ARAP3: variants seen among roughly 807,000 people sequenced by gnomAD.
The protein encoded by ARAP3 is arf-GAP with Rho-GAP domain, ANK repeat and PH domain-containing protein 3.
Under a neutral mutation model 169.2 loss-of-function variants are expected in ARAP3, and 82 were observed. The ratio of observed to expected loss-of-function variants is 0.48; its 90% CI spans 0.41 to 0.58. The LOEUF is 0.58. Among genes scored for constraint, ARAP3 ranks in the 20% least tolerant of loss-of-function variants. The probability of loss-of-function intolerance (pLI) is 0.00; values close to 1 mark genes in which losing one functional copy is unlikely to be tolerated. For synonymous variants in ARAP3, 791 were observed against 800.3 expected, an observed-to-expected ratio of 0.99 and a Z score of 0.20; for missense variants, 1,764 against 2,018.0, an observed-to-expected ratio of 0.87 and a Z score of 2.41.
rs1388943428 is a variant in ARAP3 at position 141,680,061 on chromosome 5, G to T, written c.426C>A (p.Ser142=). 2.5e-6 allele frequency: 4 copies of T among 1,614,038 alleles called. No homozygotes were observed. Among genetic ancestry groups the T allele is most frequent in the Non-Finnish European group, 3.4e-6 (4 of 1,180,056 alleles). ...TATTTAGGGCTGAAGACTGCTCAGAGGAGGAAGTGGGGAGAGGAGGAGGCC... is the reference window on the plus strand; with the variant it reads ...TATTTAGGGCTGAAGACTGCTCAGATGAGGAAGTGGGGAGAGGAGGAGGCC... ...SPRPPPLPTS[S]SEQSSALNTV... Residue 142 remains serine (S), a synonymous_variant, in exon 2 of 33, where the codon TCC becomes TCA. Coordinates refer to ENST00000239440, the MANE Select transcript of ARAP3 (RefSeq NM_022481.6).
chr5:141,665,016 A>T lies in ARAP3; in HGVS notation c.2706T>A (p.Ala902=), dbSNP rs2099910451. The change falls in exon 19 of 33, where the codon GCT becomes GCA. Residue 902 remains alanine (A), a synonymous_variant. Transcript: ENST00000239440. ...TAWNAAIGGA[A]GGGGTGLQEQ... is the part of the protein sequence containing the mutation. ...CCTGCAGCCCTGTGCCGCCCCCACC[A>T]GCCGCGCCCCCAATGGCTGCGTTCC... The T allele has an allele frequency of 3.1e-6, 5 of 1,613,670 alleles. No homozygotes were observed. In the East Asian group the frequency reaches 1.1e-4, roughly 36 times the overall value.
In ARAP3 at chr5:141,672,913, A is replaced by G. The variant is rs774581128; in HGVS notation, c.1106T>C (p.Met369Thr). The change falls in exon 8 of 33, where the codon ATG becomes ACG. Residue 369 changes from methionine to threonine, a missense_variant. By Grantham distance (81) the Met-to-Thr change is moderately conservative. Coordinates refer to ENST00000239440, the MANE Select transcript of ARAP3 (RefSeq NM_022481.6). This position sits in a 1 kb window ranked among gnomAD's most constrained non-coding sequence, Gnocchi z 4.9. ...FRTESEAQRD[M>T]WCSTLQSCLK... Reference sequence around the variant, plus strand: ...ACAGGACTGCAGCGTGGAGCACCACATGTCCCGCTGAGCTGGTGGGGATGG... The same window carrying G: ...ACAGGACTGCAGCGTGGAGCACCACGTGTCCCGCTGAGCTGGTGGGGATGG... The G allele has an allele frequency of 1.2e-6, 2 of 1,610,884 alleles. No homozygotes were observed. Among genetic ancestry groups the G allele is most frequent in the African/African-American group, 2.7e-5 (2 of 74,884 alleles).
chr5:141,672,977 C>T lies in ARAP3; in HGVS notation c.1093+36G>A. 2 of 1,613,084 alleles carry T rather than the reference C, an allele frequency of 1.2e-6. No homozygotes were observed. Among genetic ancestry groups the T allele is most frequent in the Non-Finnish European group, 8.5e-7 (1 of 1,179,438 alleles). ...TGGCTGTTGCTCACACAGCCTCCCT[C>T]CCTCCTGCCCTGACTCAGGGGGCTG... On this transcript the variant is annotated intron_variant, in intron 7 of 32. Coordinates refer to ENST00000239440, the MANE Select transcript of ARAP3 (RefSeq NM_022481.6). This position sits in a 1 kb window ranked among gnomAD's most constrained non-coding sequence, Gnocchi z 4.9.
rs1409123581 is a variant in ARAP3 at position 141,672,686 on chromosome 5, G to A, written c.1279-28C>T. The A allele has an allele frequency of 6.2e-7, 1 of 1,613,796 alleles. No individual in the cohort carries two copies. The highest frequency in any genetic ancestry group is 1.3e-5 in the African/African-American group (1 of 74,918). ...GGTGGGGTCAGGGGGTGGGCATCATGAGGTGCCAGAAGGGACTAGTTCAGG... is the reference window on the plus strand; with the variant it reads ...GGTGGGGTCAGGGGGTGGGCATCATAAGGTGCCAGAAGGGACTAGTTCAGG... On this transcript the variant is annotated intron_variant, in intron 8 of 32. Transcript: ENST00000239440. This position sits in a 1 kb window ranked among gnomAD's most constrained non-coding sequence, Gnocchi z 4.9.
At position 141,661,718 on chromosome 5, in the gene ARAP3, G is replaced by C; in HGVS notation, c.3085C>G (p.Arg1029Gly). The C allele has an allele frequency of 6.2e-7, 1 of 1,614,234 alleles. No homozygotes were observed. The highest frequency in any genetic ancestry group is 8.5e-7 in the Non-Finnish European group (1 of 1,180,048). ...VIGCLPRVNR[R>G]TLATLIGHLY... ...TGCCCAATGAGGGTGGCCAGTGTGC[G>C]GCGGTTGACCCGCGGCAGGCAGCCA... Residue 1029 changes from arginine to glycine, a missense_variant, in exon 21 of 33, where the codon CGC becomes GGC. Coordinates refer to ENST00000239440, the MANE Select transcript of ARAP3 (RefSeq NM_022481.6).
At chr5:141,666,122 CAT>C (rs2154598926) in intron 17 of ARAP3, among the ~76,000 whole-genome samples, 1 of 151,662 alleles carries the variant, frequency 6.6e-6, no homozygotes, top group Admixed American at 6.6e-5. Flanking sequence ...CTCTGCGATA[CAT>C]GTTTTAGATG....
chr5:141,670,196 A>C, intron 14 of ARAP3, 133 bp from the exon 15 acceptor site: 2 of 1,247,016 alleles, frequency 1.6e-6, no homozygotes, highest in Non-Finnish European at 2.2e-6. Context: ...CAATAACCCT[A>C]TGAGGTGTTA....
rs202243891 is a variant in ARAP3, at chr5:141,662,110, G to A, written c.2946C>T (p.Arg982=). 3.7e-6 allele frequency: 6 copies of A among 1,614,210 alleles called. No homozygotes were observed. In the African/African-American group the frequency reaches 6.7e-5, roughly 18 times the overall value. ...FVEDVTDTLK[R]FFRELDDPVT... ...CAGGGTCATCGAGCTCACGAAAGAA[G>A]CGTTTGAGTGTGTCAGTGACATCCT... The change falls in exon 20 of 33, where the codon CGC becomes CGT. Residue 982 remains arginine (R), a synonymous_variant. Coordinates refer to ENST00000239440, the MANE Select transcript of ARAP3 (RefSeq NM_022481.6).
chr5:141,670,309 GTC>G (rs1036373533), intron 14 of ARAP3, among the ~76,000 whole-genome samples: 1 of 152,130 alleles, frequency 6.6e-6, no homozygotes, highest in Non-Finnish European at 1.5e-5. Context: ...GACCCAGACA[GTC>G]TGACTTCAGA....
chr5:141,663,552 G>T (rs1034588487), intron 19 of ARAP3, among the ~76,000 whole-genome samples: 4 of 152,230 alleles, frequency 2.6e-5, no homozygotes, highest in African/African-American at 9.6e-5. Flanking sequence ...GCTTCCCAAA[G>T]TGCTGGGATT....
At position 141,656,750 on chromosome 5, in the gene ARAP3, A is replaced by G; in HGVS notation, c.3623T>C (p.Val1208Ala). ...GAGGCAGCCAGCTTGGGCCAGGGGG[A>G]CTTTTTTCAAGAGCAGGGAAGCTGA... ...PCSASLLLKK[V>A]PLAQAGCLFT... Residue 1208 changes from valine (V) to alanine (A), a missense_variant, in exon 26 of 33, where the codon GTC becomes GCC. Physicochemically the swap from Val to Ala is moderately conservative, Grantham distance 64 (BLOSUM62 0). Coordinates refer to ENST00000239440, the MANE Select transcript of ARAP3 (RefSeq NM_022481.6). 2 of 1,611,386 alleles carry G rather than the reference A, an allele frequency of 1.2e-6. No individual in the cohort carries two copies. Among genetic ancestry groups the G allele is most frequent in the Middle Eastern group, 1.7e-4 (1 of 6,058 alleles).
At chr5:141,655,224 C>G (rs866132156) in intron 32 of ARAP3, 138 bp downstream of exon 32, 1 of 430,540 alleles carries the variant, frequency 2.3e-6, no homozygotes, top group East Asian at 3.5e-5. Flanking sequence ...CCCTGATGGC[C>G]TACACACACA....
At chr5:141,673,956 CTTCTTTT>C in intron 4 of ARAP3, 148 bp from the exon 5 acceptor site, 2 of 541,048 alleles carry the variant, frequency 3.7e-6, no homozygotes, top group African/African-American at 4.3e-5. Flanking sequence ...CTTTTCTTTT[CTTCTTTT>C]TTTTTTTTTT....
At chr5:141,669,678 A>T (rs1232694798) in intron 16 of ARAP3, 31 bp downstream of exon 16, 1 of 1,595,832 alleles carries the variant, frequency 6.3e-7, no homozygotes, top group Non-Finnish European at 8.6e-7. Flanking sequence ...GGAAAGCATG[A>T]GATGCTGCAG....
chr5:141,673,959 C>CTTTTTTTTTTTTTTTTTTTT (rs10712701), intron 4 of ARAP3, 151 bp from the exon 5 acceptor site: 3 of 364,816 alleles, frequency 8.2e-6, no homozygotes, highest in Non-Finnish European at 1.4e-5. Context: ...TTCTTTTCTT[C>CTTTTTTTTTTTTTTTTTTTT]TTTTTTTTTT....
intron 17 of ARAP3, among the ~76,000 whole-genome samples, chr5:141,666,052 A>T (rs2003362): frequency 0.096 from 13,425 of 140,458 alleles, 1,484 homozygotes; most frequent in African/African-American, 0.27. Flanking sequence ...AAAAAAAAAA[A>T]AATAATAATA....
intron 23 of ARAP3, among the ~76,000 whole-genome samples, chr5:141,658,928 G>C (rs2099909575): frequency 6.6e-6 from 1 of 152,228 alleles, no homozygotes; most frequent in East Asian, 1.9e-4. Context: ...GGGTGACCTT[G>C]AATAAATGAC....
At chr5:141,659,525 C>G in intron 22 of ARAP3, 49 bp from the exon 23 acceptor site, 1 of 1,595,116 alleles carries the variant, frequency 6.3e-7, no homozygotes, top group East Asian at 2.2e-5. Context: ...GAGGATCTGC[C>G]GGGAAGATCT....
rs1390419373 is a variant in ARAP3 at position 141,659,790 on chromosome 5, A to C, written c.3256T>G (p.Ser1086Ala). 5 of 1,612,260 alleles carry C rather than the reference A, an allele frequency of 3.1e-6. No homozygotes were observed. The highest frequency in any genetic ancestry group is 4.2e-6 in the Non-Finnish European group (5 of 1,178,932). Residue 1086 changes from serine to alanine, a missense_variant, in exon 22 of 33, where the codon TCT (serine) becomes GCT (alanine). Physicochemically the swap from Ser to Ala is moderately conservative, Grantham distance 99 (BLOSUM62 1). Coordinates refer to ENST00000239440, the MANE Select transcript of ARAP3 (RefSeq NM_022481.6). Reference protein sequence around the residue: ...VLQELIDGYISVFDIDSDQVA... With the variant: ...VLQELIDGYIAVFDIDSDQVA... Reference sequence around the variant, plus strand: ...CAGGAAAGCCTTACATCAAAGACAGAGATGTAGCCATCAATGAGCTCTTGC... The same window carrying C: ...CAGGAAAGCCTTACATCAAAGACAGCGATGTAGCCATCAATGAGCTCTTGC...
Sources: gnomAD v4.1 joint callset for allele counts (sites outside exome capture counted in the v4.1 genomes callset) on GRCh38, gnomAD v4.1.1 for gene constraint, Gnocchi (gnomAD v3.1) non-coding constraint, MANE v1.5 for transcripts, NCBI Gene and HGNC (gene_info 2026-07-23, HGNC 2026-07-21) for gene names.